The following DCUN1D1 variants were observed in gnomAD, a reference collection of about 807,000 sequenced individuals.
DCUN1D1 encodes the protein DCN1-like protein 1.
A neutral mutation model predicts 39.0 loss-of-function variants in DCUN1D1; 3 were observed. The observed-to-expected ratio is 0.08, with a 90% CI of 0.04 to 0.20. The LOEUF is 0.20. Among genes scored for constraint, DCUN1D1 ranks in the 10% least tolerant of loss-of-function variants. The pLI is 1.00. For missense variants in DCUN1D1, 158 were observed against 302.4 expected (o/e 0.52, Z 3.54); for synonymous variants, 82 against 96.3 (o/e 0.85, Z 0.87).
At position 182,963,914 on chromosome 3, in the gene DCUN1D1, T is replaced by C. The variant is rs1727529891; in HGVS notation, c.356A>G (p.Lys119Arg). ...TGTCATGCCATCCATGAACTCCTGT[T>C]TGGAGAACTCGCACTGTGTTGCTGC... Reference protein sequence around the residue: ...FRAATQCEFSKQEFMDGMTEL... With the variant: ...FRAATQCEFSRQEFMDGMTEL... The change falls in exon 3 of 7, where the codon AAA becomes AGA. Residue 119 changes from lysine (K) to arginine (R), a missense_variant. Coordinates refer to ENST00000292782, the MANE Select transcript of DCUN1D1 (RefSeq NM_020640.4). 1 of 1,612,896 alleles carries C rather than the reference T, an allele frequency of 6.2e-7. No homozygotes were observed. Among genetic ancestry groups the C allele is most frequent in the Non-Finnish European group, 8.5e-7 (1 of 1,179,184 alleles).
chr3:182,977,808 G>A (rs1728315941), intron 1 of DCUN1D1, among the ~76,000 whole-genome samples: 2 of 152,118 alleles, frequency 1.3e-5, no homozygotes, highest in South Asian at 2.1e-4. Context: ...GGGCGGCCGA[G>A]GCAGGTGGAT....
intron 4 of DCUN1D1, chr3:182,955,461 G>A: frequency 1.9e-6 from 1 of 540,136 alleles, no homozygotes; most frequent in Non-Finnish European, 3.8e-6. Context: ...CACGTTATGA[G>A]ATAAGAATCC....
upstream of DCUN1D1, among the ~76,000 whole-genome samples, chr3:182,982,228 C>T (rs1728578929): frequency 6.6e-6 from 1 of 152,178 alleles, no homozygotes; most frequent in African/African-American, 2.4e-5. Flanking sequence ...TCCTGCATCT[C>T]CTCTTTACTC....
chr3:182,966,694 A>T (rs1478524303), intron 1 of DCUN1D1, among the ~76,000 whole-genome samples: 1 of 152,128 alleles, frequency 6.6e-6, no homozygotes, highest in Non-Finnish European at 1.5e-5. Context: ...CAGCCTCACC[A>T]CTGTTACTCT....
At chr3:182,955,361 T>A (rs1205544100) in intron 4 of DCUN1D1, 1 of 540,948 alleles carries the variant, frequency 1.8e-6, no homozygotes, top group Non-Finnish European at 3.7e-6. Flanking sequence ...CAATATTCTC[T>A]GTTTTTCCTG....
intron 4 of DCUN1D1, among the ~76,000 whole-genome samples, chr3:182,953,205 A>T (rs10937104): frequency 0.48 from 73,065 of 151,594 alleles, 21,930 homozygotes; most frequent in Non-Finnish European, 0.67. Context: ...GACAGACTAA[A>T]GATGCTCTTG....
At chr3:182,978,760 A>G (rs1728369867) in intron 1 of DCUN1D1, among the ~76,000 whole-genome samples, 1 of 152,188 alleles carries the variant, frequency 6.6e-6, no homozygotes, top group Admixed American at 6.5e-5. Context: ...GTTTTAAATT[A>G]ATATCTTGTC....
upstream of DCUN1D1, among the ~76,000 whole-genome samples, chr3:182,983,699 T>A (rs1440459446): frequency 6.6e-6 from 1 of 151,894 alleles, no homozygotes; most frequent in East Asian, 1.9e-4. Context: ...AAGAATGAGA[T>A]TCCACCTCAA....
At chr3:182,960,988 A>G (rs1169764148) in intron 4 of DCUN1D1, among the ~76,000 whole-genome samples, 1 of 152,188 alleles carries the variant, frequency 6.6e-6, no homozygotes, top group African/African-American at 2.4e-5. Context: ...ACTATCTTCT[A>G]TATTGACTGT....
chr3:182,942,197 G>C lies in DCUN1D1; in HGVS notation c.*2897C>G, dbSNP rs1216852647. The C allele has an allele frequency of 1.3e-5, 2 of 152,096 alleles. No homozygotes were observed. The highest frequency in any genetic ancestry group is 2.1e-4 in the South Asian group (1 of 4,832). The allele number at this position is 152,096 out of a possible 1,614,324, so 9.4% of individuals were successfully genotyped here. On this transcript the variant is annotated 3_prime_UTR_variant, in exon 7 of 7. Coordinates refer to ENST00000292782, the MANE Select transcript of DCUN1D1 (RefSeq NM_020640.4). Reference sequence around the variant, plus strand: ...ACAGTATTGTTAATAAAGCAGCCCAGTATAGTTGTAAACATCTTAAATGTA... The same window carrying C: ...ACAGTATTGTTAATAAAGCAGCCCACTATAGTTGTAAACATCTTAAATGTA...
intron 1 of DCUN1D1, among the ~76,000 whole-genome samples, chr3:182,967,416 C>T (rs757469649): frequency 7.9e-5 from 12 of 152,094 alleles, no homozygotes; most frequent in Non-Finnish European, 1.8e-4. Flanking sequence ...TGAGATTTTA[C>T]AACATACTTC....
Position 182,968,583 on chromosome 3 carries a change from G to GATAT in DCUN1D1, c.4-2834_4-2831dup, listed in dbSNP as rs138642068. ...TTTGAAAAATGTTTATGTAATAAAT[G>GATAT]ATATATATATATAAATGTAAACTTT... On this transcript the variant is annotated intron_variant, in intron 1 of 6. Transcript: ENST00000292782. Among the ~76,000 whole-genome samples the GATAT allele has an allele frequency of 5.0e-3, 750 of 150,874 alleles. 6 individuals are homozygous for GATAT. Among genetic ancestry groups the GATAT allele is most frequent in the African/African-American group, 0.017 (697 of 41,214 alleles).
At chr3:182,950,803 G>A (rs987361369) in intron 4 of DCUN1D1, 2 of 151,646 alleles carry the variant, frequency 1.3e-5, no homozygotes, top group African/African-American at 4.8e-5. Flanking sequence ...TCAGGAGCTC[G>A]AGACCAGCCT....
intron 4 of DCUN1D1, among the ~76,000 whole-genome samples, chr3:182,949,413 G>C (rs994017894): frequency 6.6e-6 from 1 of 151,754 alleles, no homozygotes; most frequent in African/African-American, 2.4e-5. Context: ...GTCAAAAACA[G>C]ATGATTTGTA....
chr3:182,968,022 G>A (rs1428215099), intron 1 of DCUN1D1, among the ~76,000 whole-genome samples: 2 of 152,116 alleles, frequency 1.3e-5, no homozygotes, highest in East Asian at 1.9e-4. Flanking sequence ...AGGAAGTGTT[G>A]GAGATTAACC....
intron 6 of DCUN1D1, among the ~76,000 whole-genome samples, 193 bp downstream of exon 6, chr3:182,947,045 A>G (rs567297034): frequency 6.6e-6 from 1 of 152,300 alleles, no homozygotes; most frequent in Admixed American, 6.5e-5. Context: ...AAGACTTGCA[A>G]TAAGCCATGC....
At chr3:182,954,946 A>C (rs1442644929) in intron 4 of DCUN1D1, among the ~76,000 whole-genome samples, 1 of 152,140 alleles carries the variant, frequency 6.6e-6, no homozygotes, top group Non-Finnish European at 1.5e-5. Context: ...AAATTTGTCT[A>C]CTTTTCTAAA....
intron 1 of DCUN1D1, 42 bp downstream of exon 1, chr3:182,980,445 G>GC: frequency 2.7e-6 from 3 of 1,093,876 alleles, no homozygotes; most frequent in South Asian, 6.8e-5. Flanking sequence ...GGCAGCGCCG[G>GC]CCCCCAGCCG....
rs1577170939 is a variant in DCUN1D1, at chr3:182,955,532, T to C, written c.520+5694A>G. 7.5e-6 allele frequency: 4 copies of C among 531,760 alleles called. No homozygotes were observed. In the East Asian group the frequency reaches 2.0e-4, roughly 27 times the overall value. The allele number at this position is 531,760 out of a possible 1,614,324, so 32.9% of individuals were successfully genotyped here. A position where few individuals can be genotyped will look rare whatever the true frequency, so the allele number is the denominator to read the frequency against. On this transcript the variant is annotated intron_variant, in intron 4 of 6. Coordinates refer to ENST00000292782, the MANE Select transcript of DCUN1D1 (RefSeq NM_020640.4). ...AGGTTGGATAATGGTTTGTATTTGC[T>C]ATATTTTACATGCCACTCAAGAACT...
Sources: allele counts gnomAD v4.1 joint callset (sites outside exome capture counted in the v4.1 genomes callset), GRCh38; gene constraint gnomAD v4.1.1; transcripts MANE v1.5; gene names NCBI Gene and HGNC (gene_info 2026-07-23, HGNC 2026-07-21).